FAM168A: variants seen among roughly 807,000 people sequenced by gnomAD.
The protein encoded by FAM168A is family with sequence similarity 168 member A.
FAM168A carries 3 observed loss-of-function variants against 28.5 expected under a neutral mutation model. The ratio of observed to expected loss-of-function variants is 0.11; its 90% confidence interval spans 0.05 to 0.27. The LOEUF (loss-of-function observed/expected upper bound fraction) is 0.27, where lower values mean the gene tolerates loss of function less well. Ranked by LOEUF, FAM168A falls within the 10% of genes least tolerant of loss-of-function variation. The probability of loss-of-function intolerance (pLI) is 1.00; values close to 1 mark genes in which losing one functional copy is unlikely to be tolerated. For missense variants in FAM168A, 222 were observed against 311.5 expected (o/e 0.71, Z 2.16); for synonymous variants, 122 against 124.2 (o/e 0.98, Z 0.12).
chr11:73,480,337 CA>C (rs1270851398), intron 1 of FAM168A, among the ~76,000 whole-genome samples: 2 of 152,112 alleles, frequency 1.3e-5, no homozygotes, highest in African/African-American at 4.8e-5. Flanking sequence ...TAATCAAAAC[CA>C]CAACAAAATT....
intron 1 of FAM168A, among the ~76,000 whole-genome samples, chr11:73,471,529 A>G (rs1867813581): frequency 1.3e-5 from 2 of 152,212 alleles, no homozygotes; most frequent in African/African-American, 2.4e-5. Context: ...GTTGTCATAC[A>G]TTTGTAGTTA....
At chr11:73,453,670 G>C (rs2134550776) in intron 2 of FAM168A, among the ~76,000 whole-genome samples, 1 of 152,288 alleles carries the variant, frequency 6.6e-6, no homozygotes, top group Non-Finnish European at 1.5e-5. Context: ...TGAGGCCATT[G>C]GAAGTAAAGG....
At position 73,484,526 on chromosome 11, in the gene FAM168A, ATC is replaced by A. The variant is rs1245672625; in HGVS notation, c.-18-16036_-18-16035del. Among the ~76,000 whole-genome samples, 113 of 144,392 alleles carry A rather than the reference ATC, an allele frequency of 7.8e-4. 3 individuals are homozygous for A. Among genetic ancestry groups the A allele is most frequent in the African/African-American group, 2.8e-3 (107 of 38,296 alleles). 94.7% of individuals were successfully genotyped at this position (144,392 alleles called of 152,430 possible). A position where few individuals can be genotyped will look rare whatever the true frequency, so the allele number is the denominator to read the frequency against. The stretch of plus-strand genomic sequence containing the variant: ...GAGAGAGATATATATAGATATATAT[ATC>A]TATATATCTATATATCTATCTATAT... On this transcript the variant is annotated intron_variant, in intron 1 of 7. Coordinates refer to ENST00000356467, the MANE Select transcript of FAM168A (RefSeq NM_015159.3).
At chr11:73,441,668 G>GT (rs1867198094) in intron 2 of FAM168A, among the ~76,000 whole-genome samples, 1 of 152,296 alleles carries the variant, frequency 6.6e-6, no homozygotes, top group East Asian at 1.9e-4. Flanking sequence ...TTTGCGGAAA[G>GT]TTTTTTGATT....
intron 1 of FAM168A, among the ~76,000 whole-genome samples, chr11:73,526,236 T>C (rs1024251958): frequency 6.6e-6 from 1 of 152,114 alleles, no homozygotes; most frequent in African/African-American, 2.4e-5. Context: ...AAATGGCCAA[T>C]AAATATTTAA....
At chr11:73,472,270 C>T (rs528987436) in intron 1 of FAM168A, among the ~76,000 whole-genome samples, 24 of 152,212 alleles carry the variant, frequency 1.6e-4, no homozygotes, top group African/African-American at 5.5e-4. Flanking sequence ...TGAGCAAACA[C>T]CTGAATAAGT....
At chr11:73,466,929 C>G (rs1355402317) in intron 2 of FAM168A, among the ~76,000 whole-genome samples, 1 of 151,690 alleles carries the variant, frequency 6.6e-6, no homozygotes, top group Non-Finnish European at 1.5e-5. Flanking sequence ...AGCTGCAACT[C>G]AAATTCCCCT....
intron 2 of FAM168A, among the ~76,000 whole-genome samples, chr11:73,434,145 G>C (rs2134517300): frequency 6.7e-6 from 1 of 148,560 alleles, no homozygotes; most frequent in East Asian, 2.0e-4. Context: ...TGCCTGGCCA[G>C]GTAGGCCTAT....
intron 1 of FAM168A, among the ~76,000 whole-genome samples, chr11:73,522,385 T>C (rs1406931779): frequency 6.6e-6 from 1 of 152,068 alleles, no homozygotes; most frequent in Admixed American, 6.5e-5. Context: ...AGTGGTGCGA[T>C]CTCGGCTCAC....
intron 1 of FAM168A, among the ~76,000 whole-genome samples, chr11:73,546,322 T>G (rs1371136522): frequency 1.3e-5 from 2 of 152,122 alleles, no homozygotes; most frequent in Non-Finnish European, 2.9e-5. Context: ...AAGTATAGAG[T>G]ATACCCCAGC....
chr11:73,560,771 C>T (rs558119379), intron 1 of FAM168A, among the ~76,000 whole-genome samples: 1 of 152,304 alleles, frequency 6.6e-6, no homozygotes, highest in South Asian at 2.1e-4. Context: ...TCTTATAAAA[C>T]TAAACATGCA....
intron 2 of FAM168A, among the ~76,000 whole-genome samples, chr11:73,431,739 T>G (rs939392669): frequency 4.0e-5 from 6 of 151,834 alleles, no homozygotes; most frequent in African/African-American, 1.5e-4. Context: ...TATATTCAGT[T>G]TGGGGGATTT....
chr11:73,442,236 C>T (rs1308646561), intron 2 of FAM168A, among the ~76,000 whole-genome samples: 10 of 151,912 alleles, frequency 6.6e-5, no homozygotes, highest in African/African-American at 2.4e-4. Context: ...CGCCATTCTC[C>T]TGCCTCAGCC....
At chr11:73,474,615 A>G (rs1169461746) in intron 1 of FAM168A, among the ~76,000 whole-genome samples, 1 of 152,244 alleles carries the variant, frequency 6.6e-6, no homozygotes, top group African/African-American at 2.4e-5. Context: ...TAAGTTTTAT[A>G]GAGGACAAAC....
intron 1 of FAM168A, among the ~76,000 whole-genome samples, chr11:73,556,564 T>C (rs1281155934): frequency 6.6e-6 from 1 of 151,828 alleles, no homozygotes; most frequent in African/African-American, 2.4e-5. Flanking sequence ...AGGGAGTTTG[T>C]GTTTAATGGG....
chr11:73,593,461 G>C (rs1035773696), intron 1 of FAM168A, among the ~76,000 whole-genome samples: 7 of 152,146 alleles, frequency 4.6e-5, no homozygotes, highest in African/African-American at 1.7e-4. Context: ...TAACCTCTCA[G>C]AGCATAATTT....
intron 1 of FAM168A, among the ~76,000 whole-genome samples, chr11:73,536,846 T>G (rs1943588819): frequency 6.6e-6 from 1 of 152,240 alleles, no homozygotes; most frequent in African/African-American, 2.4e-5. Context: ...CAAAGATATC[T>G]GTTGTGAACG....
intron 2 of FAM168A, among the ~76,000 whole-genome samples, chr11:73,453,363 T>C (rs1867467395): frequency 6.6e-6 from 1 of 152,192 alleles, no homozygotes; most frequent in Non-Finnish European, 1.5e-5. Context: ...TGTGATTCCA[T>C]GGGAAGTAGA....
At position 73,545,032 on chromosome 11, in the gene FAM168A, A is replaced by AT. The variant is rs1375564586; in HGVS notation, c.-19+52890dup. On this transcript the variant is annotated intron_variant, in intron 1 of 7. Coordinates refer to ENST00000356467, the MANE Select transcript of FAM168A (RefSeq NM_015159.3). Reference sequence around the variant, plus strand: ...ACTATATATATAGTATATATAATATATATATATTTTTTGGAGACAGTCTCC... The same window carrying AT: ...ACTATATATATAGTATATATAATATATTATATATTTTTTGGAGACAGTCTCC... Among the ~76,000 whole-genome samples, 45 of 96,158 alleles carry AT rather than the reference A, an allele frequency of 4.7e-4. 4 individuals are homozygous for AT. The highest frequency in any genetic ancestry group is 1.6e-3 in the African/African-American group (36 of 23,028). The allele number at this position is 96,158 out of a possible 152,430, so 63.1% of individuals were successfully genotyped here.
Sources: gnomAD v4.1 joint callset for allele counts (sites outside exome capture counted in the v4.1 genomes callset) on GRCh38, gnomAD v4.1.1 for gene constraint, MANE v1.5 for transcripts, NCBI Gene and HGNC (gene_info 2026-07-23, HGNC 2026-07-21) for gene names.